Variants in GPC6 observed in about 807,000 individuals in gnomAD.
GPC6 encodes the protein glypican 6, also known as glypican-6.
In GPC6, 14 loss-of-function variants were observed where a neutral mutation model predicts 55.2. The observed-to-expected ratio is 0.25, with a 90% CI of 0.17 to 0.40. The LOEUF (loss-of-function observed/expected upper bound fraction) is 0.40. Ranked by LOEUF, GPC6 falls within the 10% of genes least tolerant of loss-of-function variation. The probability of loss-of-function intolerance (pLI) is 1.00; values close to 1 mark genes in which losing one functional copy is unlikely to be tolerated. For synonymous variants in GPC6, 278 were observed against 259.6 expected (o/e 1.07, Z -0.68); for missense variants, 641 against 708.5 (o/e 0.90, Z 1.08).
intron 2 of GPC6, among the ~76,000 whole-genome samples, chr13:93,722,094 G>T (rs1030485056): frequency 1.3e-5 from 2 of 151,586 alleles, no homozygotes. Flanking sequence ...AAATAACATT[G>T]TTTTATGGTA....
intron 3 of GPC6, among the ~76,000 whole-genome samples, chr13:94,016,058 C>A (rs988668082): frequency 6.6e-6 from 1 of 152,112 alleles, no homozygotes; most frequent in Admixed American, 6.6e-5. Context: ...ATCCCCTATC[C>A]CCAGGTAACT....
chr13:93,970,102 T>C (rs1338668676), intron 3 of GPC6, among the ~76,000 whole-genome samples: 1 of 152,178 alleles, frequency 6.6e-6, no homozygotes, highest in Admixed American at 6.5e-5. Flanking sequence ...ATTTAAAAAA[T>C]AAAAATCTTA....
chr13:93,562,712 A>G (rs953930555), intron 2 of GPC6, among the ~76,000 whole-genome samples: 1 of 152,282 alleles, frequency 6.6e-6, no homozygotes, highest in Admixed American at 6.5e-5. Flanking sequence ...AAATATGAAA[A>G]TTCCTAATAT....
At chr13:93,854,478 T>A (rs1407450803) in intron 3 of GPC6, among the ~76,000 whole-genome samples, 1 of 151,792 alleles carries the variant, frequency 6.6e-6, no homozygotes, top group African/African-American at 2.4e-5. Flanking sequence ...AGAATGAGCT[T>A]ACATGTTATA....
chr13:93,230,590 G>T (rs113847891), intron 1 of GPC6, among the ~76,000 whole-genome samples: 106 of 152,244 alleles, frequency 7.0e-4, no homozygotes, highest in African/African-American at 2.5e-3. Context: ...AATGTTTCCA[G>T]ATATCTAGCC....
At chr13:93,908,617 T>G (rs1201067708) in intron 3 of GPC6, among the ~76,000 whole-genome samples, 1 of 152,098 alleles carries the variant, frequency 6.6e-6, no homozygotes, top group East Asian at 1.9e-4. Flanking sequence ...GGCTGTTAGG[T>G]GGGGGAAGGA....
intron 3 of GPC6, among the ~76,000 whole-genome samples, chr13:93,945,551 T>A (rs1403968069): frequency 1.3e-5 from 2 of 152,206 alleles, no homozygotes; most frequent in Non-Finnish European, 1.5e-5. Context: ...GTATTTTGGC[T>A]TTCCCTGGTT....
intron 3 of GPC6, among the ~76,000 whole-genome samples, chr13:94,014,533 C>T (rs1882381320): frequency 6.6e-6 from 1 of 152,058 alleles, no homozygotes; most frequent in Non-Finnish European, 1.5e-5. Context: ...ATTTTATGTA[C>T]TATAAAAGTT....
chr13:93,299,985 C>T (rs1215852457), intron 1 of GPC6, among the ~76,000 whole-genome samples: 1 of 152,156 alleles, frequency 6.6e-6, no homozygotes, highest in African/African-American at 2.4e-5. Context: ...TAATTAATGT[C>T]AACAGCTACA....
intron 2 of GPC6, among the ~76,000 whole-genome samples, chr13:93,684,965 C>A (rs1409967407): frequency 2.0e-5 from 3 of 151,984 alleles, no homozygotes; most frequent in Non-Finnish European, 4.4e-5. Context: ...TCTGGAATGT[C>A]AAAATCATTC....
In GPC6 at chr13:94,146,520, C is replaced by T. The variant is rs111645061; in HGVS notation, c.877+118626C>T. 7.0e-3 allele frequency among the ~76,000 whole-genome samples: 1,066 copies of T among 152,146 alleles called. 13 individuals are homozygous for T. The highest frequency in any genetic ancestry group is 0.024 in the African/African-American group (1,006 of 41,500). The stretch of plus-strand genomic sequence containing the variant: ...TTTTTCATCCTTGGACCAATTATAG[C>T]GTTCAAAAACAATCTTTTTCAGGTT... On this transcript the variant is annotated intron_variant, in intron 4 of 8. Transcript: ENST00000377047.
intron 2 of GPC6, among the ~76,000 whole-genome samples, chr13:93,608,593 C>T (rs1878339635): frequency 6.6e-6 from 1 of 152,152 alleles, no homozygotes. Flanking sequence ...CTCTAGCAAG[C>T]TTCTTAAGAT....
intron 1 of GPC6, among the ~76,000 whole-genome samples, chr13:93,397,275 T>A (rs1221529927): frequency 6.6e-6 from 1 of 152,204 alleles, no homozygotes; most frequent in East Asian, 1.9e-4. Flanking sequence ...ATCAGCAATG[T>A]ACAAAGGTTC....
chr13:94,112,784 CTTTTTA>C (rs1886297649), intron 4 of GPC6, among the ~76,000 whole-genome samples: 1 of 151,916 alleles, frequency 6.6e-6, no homozygotes, highest in Non-Finnish European at 1.5e-5. Flanking sequence ...ATTTTATTTT[CTTTTTA>C]TTTTTGTCTG....
chr13:93,276,765 C>T (rs183424389), intron 1 of GPC6, among the ~76,000 whole-genome samples: 1 of 152,068 alleles, frequency 6.6e-6, no homozygotes, highest in African/African-American at 2.4e-5. Flanking sequence ...GGCCTGAGGC[C>T]TGGTGAAAAC....
intron 2 of GPC6, among the ~76,000 whole-genome samples, chr13:93,796,126 G>A (rs187974025): frequency 6.6e-6 from 1 of 151,990 alleles, no homozygotes; most frequent in African/African-American, 2.4e-5. Context: ...CCTCTGGGAG[G>A]TCAAGGTTGC....
intron 2 of GPC6, among the ~76,000 whole-genome samples, chr13:93,782,528 G>T (rs1247611880): frequency 6.6e-6 from 1 of 152,080 alleles, no homozygotes; most frequent in Admixed American, 6.5e-5. Flanking sequence ...CATAATGGCT[G>T]TATTAGTTTA....
intron 2 of GPC6, among the ~76,000 whole-genome samples, chr13:93,627,265 G>C (rs1879242308): frequency 6.6e-6 from 1 of 151,674 alleles, no homozygotes; most frequent in African/African-American, 2.4e-5. Context: ...TTGGTTTTCT[G>C]TTCTTGTGTT....
chr13:93,295,549 C>T (rs990965911), intron 1 of GPC6, among the ~76,000 whole-genome samples: 2 of 151,824 alleles, frequency 1.3e-5, no homozygotes, highest in African/African-American at 2.4e-5. Context: ...GGCGCGATCT[C>T]GGCTCACTGC....
Sources: allele counts gnomAD v4.1 joint callset (sites outside exome capture counted in the v4.1 genomes callset), GRCh38; gene constraint gnomAD v4.1.1; transcripts MANE v1.5; gene names NCBI Gene and HGNC (gene_info 2026-07-23, HGNC 2026-07-21).